Variants in IFT140 observed in about 807,000 individuals in gnomAD.
IFT140 encodes the protein intraflagellar transport protein 140 homolog.
In IFT140, 133 loss-of-function variants were observed where a neutral mutation model predicts 164.6. That is an observed-to-expected ratio of 0.81 (90% CI 0.70 to 0.93). The LOEUF is 0.93. IFT140 is among the 40% of genes least tolerant of loss of function. The pLI is 0.00. For synonymous variants in IFT140, 860 were observed against 817.3 expected (o/e 1.05, Z -0.89); for missense variants, 2,045 against 1,972.3 (o/e 1.04, Z -0.70).
At position 1,510,800 on chromosome 16, in the gene IFT140, C is replaced by T. The variant is rs1438929797; in HGVS notation, c.*144G>A. On this transcript the variant is annotated 3_prime_UTR_variant, in exon 31 of 31. Coordinates refer to ENST00000426508, the MANE Select transcript of IFT140 (RefSeq NM_014714.4). ...GGTCACACCCTCCGCCGGCCCGGGCCGCTGCGTTCTCGCCCAGCTCTGTCG... is the reference window on the plus strand; with the variant it reads ...GGTCACACCCTCCGCCGGCCCGGGCTGCTGCGTTCTCGCCCAGCTCTGTCG... The T allele has an allele frequency of 4.2e-5, 33 of 780,584 alleles. No individual in the cohort carries two copies. The highest frequency in any genetic ancestry group is 4.1e-4 in the Admixed American group (19 of 46,874). The allele number at this position is 780,584 out of a possible 1,614,324, so 48.4% of individuals were successfully genotyped here. A position where few individuals can be genotyped will look rare whatever the true frequency, so the allele number is the denominator to read the frequency against.
intron 19 of IFT140, chr16:1,554,201 C>T: frequency 2.7e-6 from 3 of 1,129,946 alleles, no homozygotes; most frequent in Non-Finnish European, 3.5e-6. Context: ...GCTGCAGACT[C>T]CAGGCCATCT....
At chr16:1,538,426 C>T (rs959179841) in intron 19 of IFT140, among the ~76,000 whole-genome samples, 2 of 152,226 alleles carry the variant, frequency 1.3e-5, no homozygotes, top group African/African-American at 2.4e-5. Flanking sequence ...CACAACTACA[C>T]GTGCAGCTGT....
intron 19 of IFT140, among the ~76,000 whole-genome samples, chr16:1,530,131 A>ATTTTTTTTTTTTTTT (rs2030295926): frequency 1.6e-5 from 2 of 126,536 alleles, no homozygotes; most frequent in Non-Finnish European, 1.6e-5. Context: ...CACGACGGGA[A>ATTTTTTTTTTTTTTT]TCTTTTTTTT....
At chr16:1,568,017 T>C (rs1043067410) in intron 15 of IFT140, among the ~76,000 whole-genome samples, 200 bp downstream of exon 15, 12 of 151,558 alleles carry the variant, frequency 7.9e-5, no homozygotes, top group African/African-American at 2.9e-4. Context: ...AGAGGCTGGG[T>C]GAGGACCATG....
At chr16:1,604,107 G>A (rs1162235470) in intron 3 of IFT140, among the ~76,000 whole-genome samples, 3 of 152,254 alleles carry the variant, frequency 2.0e-5, no homozygotes, top group Non-Finnish European at 4.4e-5. Flanking sequence ...ATATGTTATA[G>A]GCTCCTGCAA....
At chr16:1,552,206 G>A (rs556757436) in intron 19 of IFT140, among the ~76,000 whole-genome samples, 2 of 152,280 alleles carry the variant, frequency 1.3e-5, no homozygotes, top group South Asian at 2.1e-4. Context: ...TGGCCATGGC[G>A]GGCTGGAGCC....
intron 10 of IFT140, among the ~76,000 whole-genome samples, chr16:1,585,626 T>G (rs2034827739): frequency 6.6e-6 from 1 of 152,180 alleles, no homozygotes; most frequent in African/African-American, 2.4e-5. Flanking sequence ...ATATTATAAC[T>G]AATACAGGTC....
At chr16:1,577,140 C>T (rs542157493) in intron 13 of IFT140, 1 of 152,206 alleles carries the variant, frequency 6.6e-6, no homozygotes, top group East Asian at 1.9e-4. Flanking sequence ...GAAGTGCTCC[C>T]GAGAAGCAAG....
chr16:1,574,103 C>T (rs1321681492), intron 13 of IFT140, among the ~76,000 whole-genome samples: 3 of 152,150 alleles, frequency 2.0e-5, no homozygotes, highest in Admixed American at 6.5e-5. Flanking sequence ...ATGGCATTTC[C>T]ATCAACCAAA....
In IFT140 at chr16:1,587,201, T is replaced by C; in HGVS notation, c.1006A>G (p.Lys336Glu). The C allele has an allele frequency of 6.2e-7, 1 of 1,601,346 alleles. No homozygotes were observed. Among genetic ancestry groups the C allele is most frequent in the Non-Finnish European group, 8.6e-7 (1 of 1,168,468 alleles). Residue 336 changes from lysine to glutamate, a missense_variant, in exon 9 of 31, where the codon AAA becomes GAA. Lys to Glu is a moderately conservative substitution (Grantham distance 56). Coordinates refer to ENST00000426508, the MANE Select transcript of IFT140 (RefSeq NM_014714.4). ...NMNCVCYCKVKGLLAAGTDRG... is the reference protein window; with the variant it reads ...NMNCVCYCKVEGLLAAGTDRG... ...GTGCCAGGCCAGGAAGCCTCACCTT[T>C]GACTTTACAGTAACACACACAGTTC...
At chr16:1,580,408 T>C (rs2034494688) in intron 13 of IFT140, 1 of 185,664 alleles carries the variant, frequency 5.4e-6, no homozygotes, top group Non-Finnish European at 1.1e-5. Flanking sequence ...TTTCCTAGTG[T>C]GTTCTGTGAT....
intron 14 of IFT140, among the ~76,000 whole-genome samples, chr16:1,568,668 G>A (rs1198499003): frequency 6.6e-6 from 1 of 152,096 alleles, no homozygotes; most frequent in Non-Finnish European, 1.5e-5. Context: ...GATTATTTGA[G>A]GGTTGAAGCC....
chr16:1,588,930 C>A (rs1045456217), intron 7 of IFT140, among the ~76,000 whole-genome samples: 4 of 152,138 alleles, frequency 2.6e-5, no homozygotes, highest in Non-Finnish European at 5.9e-5. Flanking sequence ...CCCTCCCTGC[C>A]CTGTGGGGAC....
chr16:1,520,474 G>T, intron 27 of IFT140, 128 bp downstream of exon 27: 1 of 1,327,492 alleles, frequency 7.5e-7, no homozygotes, highest in Non-Finnish European at 1.0e-6. Flanking sequence ...TAGTGGTTGT[G>T]CTCTTCCTGG....
intron 19 of IFT140, among the ~76,000 whole-genome samples, chr16:1,547,011 T>C (rs754464649): frequency 6.6e-6 from 1 of 152,234 alleles, no homozygotes; most frequent in Non-Finnish European, 1.5e-5. Context: ...TGGGGACCTG[T>C]GGCATCTTTG....
At chr16:1,520,917 G>T in intron 26 of IFT140, 109 bp from the exon 27 acceptor site, 1 of 1,027,402 alleles carries the variant, frequency 9.7e-7, no homozygotes, top group Non-Finnish European at 1.4e-6. Flanking sequence ...CTCAGCGGCG[G>T]CTTCTGTCTA....
chr16:1,580,870 T>C lies in IFT140; in HGVS notation c.1433-20A>G. 1 of 1,561,624 alleles carries C rather than the reference T, an allele frequency of 6.4e-7. No homozygotes were observed. The highest frequency in any genetic ancestry group is 8.8e-7 in the Non-Finnish European group (1 of 1,132,792). Reference sequence around the variant, plus strand: ...AGGTCCCTAAAATGAAAGACGAACATCAGGATGGCGGCCGCTCATCCGCCA... The same window carrying C: ...AGGTCCCTAAAATGAAAGACGAACACCAGGATGGCGGCCGCTCATCCGCCA... On this transcript the variant is annotated intron_variant, in intron 12 of 30. Coordinates refer to ENST00000426508, the MANE Select transcript of IFT140 (RefSeq NM_014714.4).
In IFT140 at chr16:1,553,991, G is replaced by A. The variant is rs929298162; in HGVS notation, c.2399+3944C>T. On this transcript the variant is annotated intron_variant, in intron 19 of 30. Coordinates refer to ENST00000426508, the MANE Select transcript of IFT140 (RefSeq NM_014714.4). The surrounding 1 kb of genome is among the most constrained non-coding windows in gnomAD (Gnocchi z 4.4). ...GACTAACTAGACGGGAACAAGCTGC[G>A]CCAACCAAGGGTTGCTCACGGCCCA... The A allele has an allele frequency of 3.9e-6, 5 of 1,287,180 alleles. No homozygotes were observed. Among genetic ancestry groups the A allele is most frequent in the African/African-American group, 1.5e-5 (1 of 65,890 alleles). 79.7% of individuals were successfully genotyped at this position (1,287,180 alleles called of 1,614,324 possible). A position where few individuals can be genotyped will look rare whatever the true frequency, so the allele number is the denominator to read the frequency against.
intron 26 of IFT140, among the ~76,000 whole-genome samples, chr16:1,522,155 G>A (rs907590706): frequency 2.6e-5 from 4 of 152,104 alleles, no homozygotes; most frequent in African/African-American, 7.2e-5. Context: ...TCAGGAGATC[G>A]AGACCATCCT....
Sources: allele counts gnomAD v4.1 joint callset (sites outside exome capture counted in the v4.1 genomes callset), GRCh38; gene constraint gnomAD v4.1.1; non-coding constraint Gnocchi (gnomAD v3.1); transcripts MANE v1.5; gene names NCBI Gene and HGNC (gene_info 2026-07-23, HGNC 2026-07-21).